Variants in SLCO1A2 observed in about 807,000 individuals in gnomAD.
SLCO1A2 encodes OATP-1.
Under a neutral mutation model 69.0 loss-of-function variants are expected in SLCO1A2, and 67 were observed. The ratio of observed to expected loss-of-function variants is 0.97; its 90% confidence interval spans 0.80 to 1.19. The LOEUF (loss-of-function observed/expected upper bound fraction) is 1.19, where lower values mean the gene tolerates loss of function less well. Among genes scored for constraint, SLCO1A2 ranks in the 50% most tolerant of loss-of-function variants. The pLI, the probability that SLCO1A2 is intolerant of heterozygous loss-of-function variation, is 0.00. For missense variants in SLCO1A2, 787 were observed against 793.7 expected (o/e 0.99, Z 0.10); for synonymous variants, 260 against 265.9 (o/e 0.98, Z 0.22).
intron 1 of SLCO1A2, among the ~76,000 whole-genome samples, chr12:21,375,024 C>A (rs1246650452): frequency 6.6e-6 from 1 of 152,092 alleles, no homozygotes; most frequent in East Asian, 1.9e-4. Context: ...CCCTATGATG[C>A]CCAGGCTGGT....
At chr12:21,351,343 C>G (rs149747988) in intron 2 of SLCO1A2, among the ~76,000 whole-genome samples, 2 of 152,300 alleles carry the variant, frequency 1.3e-5, no homozygotes, top group Non-Finnish European at 2.9e-5. Context: ...CTATAGTCCA[C>G]CTGCAACATA....
rs1218810157 is a variant in SLCO1A2, at chr12:21,265,094, A to T, written c.*4454T>A. ...TTTGTGTGGTAGCTCTGGTGTATTA[A>T]AATAAAACATCAATTGTATGAGTGT... On this transcript the variant is annotated 3_prime_UTR_variant, in exon 15 of 15. Coordinates refer to ENST00000683939, the MANE Select transcript of SLCO1A2 (RefSeq NM_001386879.1). 1 of 152,212 alleles carries T rather than the reference A, an allele frequency of 6.6e-6. No individual in the cohort carries two copies. 9.4% of individuals were successfully genotyped at this position (152,212 alleles called of 1,614,324 possible).
intron 1 of SLCO1A2, among the ~76,000 whole-genome samples, chr12:21,413,387 G>A (rs532604769): frequency 2.9e-4 from 44 of 151,368 alleles, no homozygotes; most frequent in East Asian, 1.2e-3. Flanking sequence ...GACTACAGGC[G>A]CGCGCCACCA....
chr12:21,392,793 G>A (rs1481062620), intron 1 of SLCO1A2, among the ~76,000 whole-genome samples: 2 of 152,066 alleles, frequency 1.3e-5, no homozygotes, highest in Non-Finnish European at 2.9e-5. Flanking sequence ...TTTTCCAATG[G>A]GTACATGAAC....
At chr12:21,299,940 T>C (rs918539370) in intron 8 of SLCO1A2, among the ~76,000 whole-genome samples, 43 of 144,824 alleles carry the variant, frequency 3.0e-4, no homozygotes, top group Admixed American at 3.5e-4. Flanking sequence ...CTCTCTCTCC[T>C]CTCTCTCATA....
chr12:21,284,259 G>A (rs1945323940), intron 12 of SLCO1A2, among the ~76,000 whole-genome samples: 1 of 152,050 alleles, frequency 6.6e-6, no homozygotes, highest in Admixed American at 6.6e-5. Flanking sequence ...TGAGGGGGAG[G>A]AGCCAAGATG....
chr12:21,323,822 C>T (rs1951947433), intron 2 of SLCO1A2, among the ~76,000 whole-genome samples: 1 of 152,130 alleles, frequency 6.6e-6, no homozygotes. Flanking sequence ...GTGTACCCAT[C>T]CTTGGTTTGG....
chr12:21,356,146 T>C (rs547116593), intron 2 of SLCO1A2, among the ~76,000 whole-genome samples: 5 of 152,046 alleles, frequency 3.3e-5, no homozygotes, highest in Non-Finnish European at 7.4e-5. Context: ...TGACTTTGAG[T>C]ATGTTACTAC....
intron 1 of SLCO1A2, among the ~76,000 whole-genome samples, chr12:21,386,165 C>A (rs1940869145): frequency 6.6e-6 from 1 of 152,094 alleles, no homozygotes; most frequent in Non-Finnish European, 1.5e-5. Context: ...GTCATTGGTG[C>A]AATGGGAAAG....
chr12:21,269,837 C>A, intron 14 of SLCO1A2, 70 bp from the exon 15 acceptor site: 1 of 1,209,634 alleles, frequency 8.3e-7, no homozygotes, highest in Admixed American at 2.6e-5. Flanking sequence ...ATTTGTATAT[C>A]TTTGTATTTT....
intron 8 of SLCO1A2, among the ~76,000 whole-genome samples, chr12:21,300,038 ATATATATG>A (rs1948497691): frequency 6.8e-6 from 1 of 147,276 alleles, no homozygotes; most frequent in Admixed American, 6.7e-5. Context: ...ATGTGTGTAT[ATATATATG>A]TGTGTGTACA....
intron 6 of SLCO1A2, among the ~76,000 whole-genome samples, chr12:21,302,603 G>T (rs1948853005): frequency 6.7e-6 from 1 of 150,326 alleles, no homozygotes; most frequent in African/African-American, 2.5e-5. Context: ...TCAGGCTGGA[G>T]TGCTCACTGC....
At chr12:21,335,116 A>G (rs1952838067), upstream of SLCO1A2, among the ~76,000 whole-genome samples, 1 of 151,950 alleles carries the variant, frequency 6.6e-6, no homozygotes. Context: ...CACTAACCCT[A>G]CCAAGGCTCA....
intron 1 of SLCO1A2, among the ~76,000 whole-genome samples, chr12:21,404,815 G>T (rs1203244660): frequency 6.6e-6 from 1 of 152,144 alleles, no homozygotes; most frequent in African/African-American, 2.4e-5. Context: ...TTATCACCGT[G>T]TCTTCTACAA....
chr12:21,392,066 C>T (rs1437691374), intron 1 of SLCO1A2, among the ~76,000 whole-genome samples: 1 of 152,176 alleles, frequency 6.6e-6, no homozygotes, highest in Non-Finnish European at 1.5e-5. Flanking sequence ...GTATTTAAAA[C>T]TGACTCTTTC....
intron 12 of SLCO1A2, 33 bp downstream of exon 12, chr12:21,292,130 CA>C (rs752029655): frequency 1.7e-5 from 25 of 1,469,156 alleles, no homozygotes; most frequent in Non-Finnish European, 2.1e-5. Context: ...TAAATGACCC[CA>C]AAAAAATATA....
rs1382689763 is a variant in SLCO1A2 at position 21,373,698 on chromosome 12, C to T, written c.-63+701G>A. 5.7e-6 allele frequency: 4 copies of T among 701,660 alleles called. No individual in the cohort carries two copies. In the Admixed American group the frequency reaches 6.0e-5, roughly 11 times the overall value. The allele number at this position is 701,660 out of a possible 1,614,324, so 43.5% of individuals were successfully genotyped here. On this transcript the variant is annotated intron_variant, in intron 2 of 15. Transcript: ENST00000307378. ...AATATACTCTTGGAACTTAGAGGGGCAAAGCCAGAACATGAAGCGGGAAAA... is the reference window on the plus strand; with the variant it reads ...AATATACTCTTGGAACTTAGAGGGGTAAAGCCAGAACATGAAGCGGGAAAA...
At chr12:21,324,258 G>C (rs1345834641) in intron 2 of SLCO1A2, among the ~76,000 whole-genome samples, 1 of 152,172 alleles carries the variant, frequency 6.6e-6, no homozygotes, top group African/African-American at 2.4e-5. Flanking sequence ...CTGAAATCCA[G>C]TAACAAGTGT....
At chr12:21,312,242 A>G (rs961063954) in intron 4 of SLCO1A2, among the ~76,000 whole-genome samples, 2 of 152,186 alleles carry the variant, frequency 1.3e-5, no homozygotes. Flanking sequence ...TTTATGTTAT[A>G]AAGACAGCTT....
Sources: gnomAD v4.1 joint callset for allele counts (sites outside exome capture counted in the v4.1 genomes callset) on GRCh38, gnomAD v4.1.1 for gene constraint, MANE v1.5 for transcripts, NCBI Gene and HGNC (gene_info 2026-07-23, HGNC 2026-07-21) for gene names.